TJP2: variants seen among roughly 807,000 people sequenced by gnomAD.
The protein encoded by TJP2 is Friedreich ataxia region gene X104 (tight junction protein ZO-2).
In TJP2, 91 loss-of-function variants were observed where a neutral mutation model predicts 133.1. The observed-to-expected ratio is 0.68, with a 90% CI of 0.58 to 0.81. The LOEUF (loss-of-function observed/expected upper bound fraction) is 0.81, where lower values mean the gene tolerates loss of function less well. Ranked by LOEUF, TJP2 falls within the 40% of genes least tolerant of loss-of-function variation. The pLI, the probability that TJP2 is intolerant of heterozygous loss-of-function variation, is 0.00. For missense variants in TJP2, 1,541 were observed against 1,565.6 expected (o/e 0.98, Z 0.26); for synonymous variants, 592 against 583.4 (o/e 1.01, Z -0.21).
In TJP2 at chr9:69,255,162, C is replaced by T. The variant is rs529745166; in HGVS notation, c.*788C>T. The T allele has an allele frequency of 6.6e-6, 1 of 152,434 alleles. No homozygotes were observed. The highest frequency in any genetic ancestry group is 1.5e-5 in the Non-Finnish European group (1 of 68,102). The allele number at this position is 152,434 out of a possible 1,614,324, so 9.4% of individuals were successfully genotyped here. On this transcript the variant is annotated 3_prime_UTR_variant, in exon 23 of 23. Coordinates refer to ENST00000377245, the MANE Select transcript of TJP2 (RefSeq NM_004817.4). ...TTTCCAAAAGCACATGTATTGACAA[C>T]AGTTTTATAATTTAATAAAAAGGAA...
intron 1 of TJP2, chr9:69,205,393 C>G (rs1827321900): frequency 7.1e-7 from 1 of 1,418,208 alleles, no homozygotes; most frequent in African/African-American, 1.4e-5. Flanking sequence ...GTTGTAGTCA[C>G]TGGTGGGTTT....
At chr9:69,222,444 G>C (rs933777972) in intron 5 of TJP2, among the ~76,000 whole-genome samples, 1 of 152,130 alleles carries the variant, frequency 6.6e-6, no homozygotes, top group African/African-American at 2.4e-5. Context: ...GGGATTACAG[G>C]TGTGAGCCAC....
chr9:69,170,300 TTTTA>T (rs1259694768), upstream of TJP2, among the ~76,000 whole-genome samples: 1 of 152,192 alleles, frequency 6.6e-6, no homozygotes, highest in South Asian at 2.1e-4. Context: ...ACTTTCCAGT[TTTTA>T]TTTTTTTTAT....
rs547335362 is a variant in TJP2 at position 69,134,964 on chromosome 9, G to T, written c.-131+13239G>T. 4.8e-3 allele frequency among the ~76,000 whole-genome samples: 691 copies of T among 143,868 alleles called. 2 individuals are homozygous for T. Among genetic ancestry groups the T allele is most frequent in the South Asian group, 0.016 (70 of 4,332 alleles). 94.4% of individuals were successfully genotyped at this position (143,868 alleles called of 152,430 possible). A position where few individuals can be genotyped will look rare whatever the true frequency, so the allele number is the denominator to read the frequency against. On this transcript the variant is annotated intron_variant, in intron 1 of 5. Transcript: ENST00000423935. ...AGAGAAGAGGAGAGAGAGAGAGAGA[G>T]AAGAGAGAAGAGGAGAGAGAGAGAG...
At chr9:69,201,478 C>G (rs115240529) in intron 1 of TJP2, among the ~76,000 whole-genome samples, 2 of 151,944 alleles carry the variant, frequency 1.3e-5, no homozygotes, top group Admixed American at 1.3e-4. Flanking sequence ...CTCGGTGTCC[C>G]TGGCTCATGG....
In TJP2 at chr9:69,221,054, C is replaced by A; in HGVS notation, c.510C>A (p.Ser170Arg). 1.9e-6 allele frequency: 3 copies of A among 1,603,122 alleles called. No homozygotes were observed. Among genetic ancestry groups the A allele is most frequent in the Non-Finnish European group, 2.6e-6 (3 of 1,175,570 alleles). Reference sequence around the variant, plus strand: ...ACAGCCATGGGGGGCGCAGCCGCAGCTGGGAGGACAGCCCGGAAAGGGGGC... The same window carrying A: ...ACAGCCATGGGGGGCGCAGCCGCAGATGGGAGGACAGCCCGGAAAGGGGGC... ...RLNSHGGRSR[S>R]WEDSPERGRP... Residue 170 changes from serine (S) to arginine (R), a missense_variant, in exon 5 of 23, where the codon AGC (serine) becomes AGA (arginine). By Grantham distance (110) the Ser-to-Arg change is moderately radical (BLOSUM62 -1). Coordinates refer to ENST00000377245, the MANE Select transcript of TJP2 (RefSeq NM_004817.4).
At chr9:69,153,691 C>T (rs1268065140) in intron 2 of TJP2, among the ~76,000 whole-genome samples, 1 of 152,188 alleles carries the variant, frequency 6.6e-6, no homozygotes, top group Non-Finnish European at 1.5e-5. Flanking sequence ...GAGATTGGAG[C>T]TAGCATTGTC....
upstream of TJP2, among the ~76,000 whole-genome samples, chr9:69,169,696 C>G (rs1824573149): frequency 6.6e-6 from 1 of 151,990 alleles, no homozygotes; most frequent in South Asian, 2.1e-4. Flanking sequence ...TTTCTTTGCT[C>G]CCAGTTGATG....
At chr9:69,207,413 A>G (rs1373621447) in intron 1 of TJP2, among the ~76,000 whole-genome samples, 1 of 152,130 alleles carries the variant, frequency 6.6e-6, no homozygotes, top group Non-Finnish European at 1.5e-5. Flanking sequence ...TTGCAGTAAA[A>G]CATTGTATTT....
intron 1 of TJP2, among the ~76,000 whole-genome samples, chr9:69,180,192 T>C (rs1383971602): frequency 2.3e-5 from 1 of 44,206 alleles, no homozygotes; most frequent in Non-Finnish European, 5.8e-5. Flanking sequence ...GGGAGAGAGT[T>C]ATTAGAATAG....
At chr9:69,131,356 G>T (rs771589302) in intron 1 of TJP2, among the ~76,000 whole-genome samples, 15 of 152,192 alleles carry the variant, frequency 9.9e-5, no homozygotes, top group Non-Finnish European at 2.1e-4. Flanking sequence ...GTGAAGGTCA[G>T]GAGGTTTGCT....
In TJP2 at chr9:69,225,419, G is replaced by A. The variant is rs1247063090; in HGVS notation, c.1056+12G>A. ...ACATAATTCTCAAGGTGGGTAGATG[G>A]GGGCAGAGAACGGTAGTGTGCATAC... On this transcript the variant is annotated intron_variant, in intron 6 of 22. Transcript: ENST00000377245. 1 of 1,582,340 alleles carries A rather than the reference G, an allele frequency of 6.3e-7. No homozygotes were observed. The highest frequency in any genetic ancestry group is 1.1e-5 in the South Asian group (1 of 90,178).
chr9:69,198,553 GTAGTAGGTCTGGGATC>G (rs1258393076), intron 1 of TJP2, among the ~76,000 whole-genome samples: 1 of 151,722 alleles, frequency 6.6e-6, no homozygotes. Context: ...GCACTCTTCA[GTAGTAGGTCTGGGATC>G]TAGTTGTGTT....
In TJP2 at chr9:69,237,063, T is replaced by C; in HGVS notation, c.2106T>C (p.Ser702=). The part of the protein sequence containing the change: ...RSGVKKNLRK[S]REDLTAVVSV... Reference sequence around the variant, plus strand: ...GGGTGAAGAAGAACCTGAGGAAAAGTCGGGAAGACCTCACAGCTGTTGTGT... The same window carrying C: ...GGGTGAAGAAGAACCTGAGGAAAAGCCGGGAAGACCTCACAGCTGTTGTGT... Residue 702 remains serine (S), a synonymous_variant, in exon 14 of 23, where the codon AGT becomes AGC. Transcript: ENST00000377245. The C allele has an allele frequency of 1.2e-6, 2 of 1,614,056 alleles. No homozygotes were observed. The highest frequency in any genetic ancestry group is 1.7e-6 in the Non-Finnish European group (2 of 1,180,022).
rs1289439631 is a variant in TJP2, at chr9:69,221,086, A to G, written c.542A>G (p.His181Arg). ...GACAGCCCGGAAAGGGGGCGTCCCC[A>G]TGAGCGGGCCCGGAGCCGGGAGCGG... ...WEDSPERGRP[H>R]ERARSRERDL... Residue 181 changes from histidine to arginine, a missense_variant, in exon 5 of 23, where the codon CAT becomes CGT. Physicochemically the swap from His to Arg is conservative, Grantham distance 29. Transcript: ENST00000377245. The G allele has an allele frequency of 2.5e-6, 4 of 1,589,022 alleles. No homozygotes were observed. The highest frequency in any genetic ancestry group is 4.6e-5 in the East Asian group (2 of 43,622).
intron 21 of TJP2, among the ~76,000 whole-genome samples, chr9:69,251,997 T>C (rs1346759968): frequency 6.7e-6 from 1 of 149,080 alleles, no homozygotes; most frequent in Non-Finnish European, 1.5e-5. Context: ...TATTTTGTTT[T>C]GTTTTGTTTT....
intron 17 of TJP2, among the ~76,000 whole-genome samples, chr9:69,245,384 A>G (rs17411689): frequency 0.06 from 9,203 of 152,294 alleles, 299 homozygotes; most frequent in South Asian, 0.067. Flanking sequence ...AATGTAGTTT[A>G]AAAGAAATCC....
chr9:69,168,045 A>G (rs1317106853), intron 2 of TJP2, among the ~76,000 whole-genome samples: 1 of 152,174 alleles, frequency 6.6e-6, no homozygotes, highest in Non-Finnish European at 1.5e-5. Flanking sequence ...TTCTTTCTAC[A>G]TAATATCAAG....
intron 11 of TJP2, among the ~76,000 whole-genome samples, chr9:69,230,660 C>T (rs1829702565): frequency 6.6e-6 from 1 of 152,146 alleles, no homozygotes; most frequent in Non-Finnish European, 1.5e-5. Flanking sequence ...ATTGGAATTT[C>T]GTCCCAGCCT....
Sources: allele counts gnomAD v4.1 joint callset (sites outside exome capture counted in the v4.1 genomes callset), GRCh38; gene constraint gnomAD v4.1.1; transcripts MANE v1.5; gene names NCBI Gene and HGNC (gene_info 2026-07-23, HGNC 2026-07-21).